The following HAAO variants were observed in gnomAD, a reference collection of about 807,000 sequenced individuals.
HAAO encodes 3-hydroxyanthranilate 3,4-dioxygenase, also known as 3-hydroxyanthranilate oxygenase.
A neutral mutation model predicts 46.2 loss-of-function variants in HAAO; 49 were observed. The observed-to-expected ratio is 1.06, with a 90% CI of 0.84 to 1.34. The LOEUF is 1.34. Ranked by LOEUF, HAAO falls within the 40% of genes most tolerant of loss-of-function variation. The pLI, the probability that HAAO is intolerant of heterozygous loss-of-function variation, is 0.00. For missense variants in HAAO, 408 were observed against 364.5 expected (o/e 1.12, Z -0.97); for synonymous variants, 157 against 145.2 (o/e 1.08, Z -0.58).
chr2:42,770,393 C>A, intron 5 of HAAO, 100 bp downstream of exon 5: 1 of 1,018,518 alleles, frequency 9.8e-7, no homozygotes. Context: ...CTCTCTGGGC[C>A]AGGATCTCCA....
chr2:42,770,586 C>T lies in HAAO; in HGVS notation c.351-4G>A. ...CATGGTGTCGCCCACATAGTACCTG[C>T]CAGAGCAGAGGACAGGCAACCCTGC... On this transcript the variant is annotated splice_region_variant and splice_polypyrimidine_tract_variant and intron_variant, in intron 4 of 9. Transcript: ENST00000294973. 1 of 1,546,010 alleles carries T rather than the reference C, an allele frequency of 6.5e-7. No individual in the cohort carries two copies. The highest frequency in any genetic ancestry group is 1.2e-5 in the South Asian group (1 of 83,414).
At chr2:42,775,548 A>G (rs909041557) in intron 4 of HAAO, among the ~76,000 whole-genome samples, 1 of 147,968 alleles carries the variant, frequency 6.8e-6, no homozygotes, top group Non-Finnish European at 1.5e-5. Context: ...GTGTGTGTGT[A>G]TTTAACTTTC....
intron 4 of HAAO, among the ~76,000 whole-genome samples, chr2:42,773,972 C>G (rs1042847012): frequency 6.6e-5 from 10 of 152,162 alleles, no homozygotes; most frequent in African/African-American, 2.2e-4. Context: ...AGAGACTAAT[C>G]GGAAACTCAA....
chr2:42,770,583 C>T lies in HAAO; in HGVS notation c.351-1G>A, dbSNP rs1671037951. On this transcript the variant is annotated splice_acceptor_variant, in intron 4 of 9. Coordinates refer to ENST00000294973, the MANE Select transcript of HAAO (RefSeq NM_012205.3). LOFTEE classifies it high-confidence loss of function. ...GTCCATGGTGTCGCCCACATAGTACCTGCCAGAGCAGAGGACAGGCAACCC... is the reference window on the plus strand; with the variant it reads ...GTCCATGGTGTCGCCCACATAGTACTTGCCAGAGCAGAGGACAGGCAACCC... 3 of 1,547,720 alleles carry T rather than the reference C, an allele frequency of 1.9e-6. No individual in the cohort carries two copies. Among genetic ancestry groups the T allele is most frequent in the Non-Finnish European group, 2.6e-6 (3 of 1,144,476 alleles).
At position 42,783,774 on chromosome 2, in the gene HAAO, C is replaced by G; in HGVS notation, c.243+10G>C. The stretch of plus-strand genomic sequence containing the variant: ...TTTCTCTTCCCCACCCTGCTGGGAT[C>G]CGGCCTCACCTCTCCCTGCCGAATG... On this transcript the variant is annotated intron_variant, in intron 3 of 9. Transcript: ENST00000294973. 2 of 1,607,992 alleles carry G rather than the reference C, an allele frequency of 1.2e-6. No homozygotes were observed. Among genetic ancestry groups the G allele is most frequent in the Non-Finnish European group, 1.7e-6 (2 of 1,176,524 alleles).
At chr2:42,788,019 G>C (rs1672513736) in intron 2 of HAAO, among the ~76,000 whole-genome samples, 1 of 151,978 alleles carries the variant, frequency 6.6e-6, no homozygotes, top group Admixed American at 6.5e-5. Context: ...TCCTCCTTCA[G>C]CTCCAGGCAC....
At chr2:42,768,399 C>G (rs1670832614) in intron 7 of HAAO, among the ~76,000 whole-genome samples, 1 of 152,154 alleles carries the variant, frequency 6.6e-6, no homozygotes, top group African/African-American at 2.4e-5. Context: ...TGCTGATGCC[C>G]TGGAGAGGGT....
chr2:42,769,721 C>T lies in HAAO; in HGVS notation c.622G>A (p.Glu208Lys), dbSNP rs1380896269. 2 of 1,610,932 alleles carry T rather than the reference C, an allele frequency of 1.2e-6. No homozygotes were observed. Among genetic ancestry groups the T allele is most frequent in the Non-Finnish European group, 1.7e-6 (2 of 1,178,488 alleles). ...CCCCAGGACTACATTACCTGGGTCT[C>T]ATAGGTGTCCCCAAACAGGCTGAGT... ...TPLSLFGDTY[E>K]TQVIAYGQGS... is the part of the protein sequence containing the mutation. The change falls in exon 7 of 10, where the codon GAG becomes AAG. Residue 208 changes from glutamate (E) to lysine (K), a missense_variant. Glu to Lys is a moderately conservative substitution (Grantham distance 56). Transcript: ENST00000294973.
intron 4 of HAAO, among the ~76,000 whole-genome samples, chr2:42,775,861 CTT>C (rs56249729): frequency 1.6e-3 from 196 of 121,404 alleles, no homozygotes; most frequent in East Asian, 3.1e-3. Context: ...TTGTGTTATC[CTT>C]TTTTTTTTTT....
intron 7 of HAAO, 114 bp downstream of exon 7, chr2:42,769,599 G>GTGTA: frequency 4.2e-6 from 3 of 710,038 alleles, no homozygotes; most frequent in Non-Finnish European, 6.7e-6. Context: ...GTGTGTGTGT[G>GTGTA]TGTGTGAGTG....
At chr2:42,787,998 C>G (rs1248925718) in intron 2 of HAAO, among the ~76,000 whole-genome samples, 1 of 152,082 alleles carries the variant, frequency 6.6e-6, no homozygotes, top group Non-Finnish European at 1.5e-5. Flanking sequence ...GAAGGGCCAC[C>G]CTGCCCCAAC....
At chr2:42,767,718 G>T in intron 8 of HAAO, 41 bp from the exon 9 acceptor site, 1 of 1,549,426 alleles carries the variant, frequency 6.5e-7, no homozygotes, top group South Asian at 1.1e-5. Context: ...AGACTGTTGG[G>T]CCTCATCACC....
At chr2:42,770,331 T>C (rs1671012637) in intron 5 of HAAO, 145 bp from the exon 6 acceptor site, 2 of 875,598 alleles carry the variant, frequency 2.3e-6, no homozygotes, top group Non-Finnish European at 3.6e-6. Flanking sequence ...TCTGCCATCC[T>C]TTCCCTCCCA....
chr2:42,774,676 C>T (rs1671404224), intron 4 of HAAO, among the ~76,000 whole-genome samples: 2 of 152,076 alleles, frequency 1.3e-5, no homozygotes, highest in African/African-American at 2.4e-5. Flanking sequence ...AGTAGCTGAA[C>T]TGGGGGTTTG....
In HAAO at chr2:42,783,421, C is replaced by T; in HGVS notation, c.244-1G>A. 6.3e-7 allele frequency: 1 copy of T among 1,583,034 alleles called. No individual in the cohort carries two copies. The highest frequency in any genetic ancestry group is 8.7e-7 in the Non-Finnish European group (1 of 1,152,882). On this transcript the variant is annotated splice_acceptor_variant, in intron 3 of 9. Transcript: ENST00000294973. LOFTEE classifies it high-confidence loss of function. ...GCACCCTGGCAGGCAGGAGGAATAT[C>T]TGCAGTGGTAGAGATAAGGTGCACA... is the stretch of plus-strand genomic sequence containing the variant.
intron 4 of HAAO, among the ~76,000 whole-genome samples, chr2:42,773,583 ATT>A (rs58425059): frequency 5.2e-4 from 64 of 123,078 alleles, no homozygotes; most frequent in South Asian, 1.6e-3. Flanking sequence ...CCTACCCCCT[ATT>A]TTTTTTTTTT....
intron 4 of HAAO, among the ~76,000 whole-genome samples, chr2:42,782,547 A>T (rs1672078944): frequency 6.6e-6 from 1 of 152,246 alleles, no homozygotes; most frequent in Admixed American, 6.5e-5. Context: ...AAAAGATTTT[A>T]AAAAAGAAAA....
At chr2:42,784,001 C>T in intron 2 of HAAO, 134 bp from the exon 3 acceptor site, 1 of 1,466,990 alleles carries the variant, frequency 6.8e-7, no homozygotes, top group Non-Finnish European at 9.1e-7. Flanking sequence ...GCAGCTCCGT[C>T]ACTTCTGTCC....
Position 42,770,567 on chromosome 2 carries a change from G to T in HAAO, c.366C>A (p.Asp122Glu). 6.4e-7 allele frequency: 1 copy of T among 1,551,808 alleles called. No homozygotes were observed. The highest frequency in any genetic ancestry group is 8.7e-7 in the Non-Finnish European group (1 of 1,146,910). The change falls in exon 5 of 10, where the codon GAC (aspartate) becomes GAA (glutamate). Residue 122 changes from aspartate (D) to glutamate (E), a missense_variant. Asp to Glu is a conservative substitution (Grantham distance 45). Coordinates refer to ENST00000294973, the MANE Select transcript of HAAO (RefSeq NM_012205.3). The part of the protein sequence containing the change: ...ELDGLRYYVG[D>E]TMDVLFEKWF... Reference sequence around the variant, plus strand: ...ACTTCTCAAACAGAACGTCCATGGTGTCGCCCACATAGTACCTGCCAGAGC... The same window carrying T: ...ACTTCTCAAACAGAACGTCCATGGTTTCGCCCACATAGTACCTGCCAGAGC...
Sources: gnomAD v4.1 joint callset for allele counts (sites outside exome capture counted in the v4.1 genomes callset) on GRCh38, gnomAD v4.1.1 for gene constraint, MANE v1.5 for transcripts, NCBI Gene and HGNC (gene_info 2026-07-23, HGNC 2026-07-21) for gene names.